The following AGTRAP variants were observed in gnomAD, a reference collection of about 807,000 sequenced individuals.
The protein encoded by AGTRAP is type-1 angiotensin II receptor-associated protein.
In AGTRAP, 7 loss-of-function variants were observed where a neutral mutation model predicts 15.2. The ratio of observed to expected loss-of-function variants is 0.46; its 90% CI spans 0.26 to 0.87. AGTRAP has a LOEUF of 0.87. Among genes scored for constraint, AGTRAP ranks in the 40% least tolerant of loss-of-function variants. The pLI is 0.15. For missense variants in AGTRAP, 187 were observed against 213.4 expected, an observed-to-expected ratio of 0.88 and a Z score of 0.77; for synonymous variants, 74 against 89.6, an observed-to-expected ratio of 0.83 and a Z score of 0.98.
At chr1:11,743,781 A>G (rs1173183909) in intron 1 of AGTRAP, among the ~76,000 whole-genome samples, 6 of 149,580 alleles carry the variant, frequency 4.0e-5, no homozygotes, top group African/African-American at 1.2e-4. Context: ...GGTCAGGCTG[A>G]TCTCGAACTC....
chr1:11,747,447 A>C lies in AGTRAP; in HGVS notation c.70A>C (p.Ile24Leu). The C allele has an allele frequency of 6.2e-7, 1 of 1,614,086 alleles. No individual in the cohort carries two copies. The highest frequency in any genetic ancestry group is 1.1e-5 in the South Asian group (1 of 91,090). ...GHWLLTTWGC[I>L]VFSGSYAWAN... ...AGCTACCTCTTCCTACAGGGGCTGC[A>C]TTGTATTCTCAGGCTCCTATGCCTG... is the stretch of plus-strand genomic sequence containing the variant. The change falls in exon 3 of 5, where the codon ATT becomes CTT. Residue 24 changes from isoleucine (I) to leucine (L), a missense_variant. Ile to Leu is a conservative substitution (Grantham distance 5, BLOSUM62 2). Transcript: ENST00000314340.
rs11578987 is a variant in AGTRAP at position 11,747,558 on chromosome 1, G to A, written c.168+13G>A. The A allele has an allele frequency of 1.4e-5, 22 of 1,612,902 alleles. No individual in the cohort carries two copies. The highest frequency in any genetic ancestry group is 2.2e-5 in the East Asian group (1 of 44,878). On this transcript the variant is annotated intron_variant, in intron 3 of 4. Coordinates refer to ENST00000314340, the MANE Select transcript of AGTRAP (RefSeq NM_020350.5). ...CGCCATAAGCATGGTGAGCCAGGGT[G>A]GGGGAGAGGCGGCAAGGCGGGGAGC...
In AGTRAP at chr1:11,750,210, C is replaced by T; in HGVS notation, c.*18C>T. The T allele has an allele frequency of 1.9e-6, 3 of 1,599,894 alleles. No individual in the cohort carries two copies. Among genetic ancestry groups the T allele is most frequent in the Non-Finnish European group, 2.6e-6 (3 of 1,169,934 alleles). ...GGTACTGAAGCCAGCCACGCTGCGCCCGGCCCTGCCCCGGGCCTTCCTCGT... is the reference window on the plus strand; with the variant it reads ...GGTACTGAAGCCAGCCACGCTGCGCTCGGCCCTGCCCCGGGCCTTCCTCGT... On this transcript the variant is annotated 3_prime_UTR_variant, in exon 5 of 5. Transcript: ENST00000314340.
chr1:11,738,925 G>A (rs1347384620), intron 1 of AGTRAP, among the ~76,000 whole-genome samples: 1 of 152,168 alleles, frequency 6.6e-6, no homozygotes, highest in Admixed American at 6.5e-5. Context: ...CCCGCCATGG[G>A]TCCTCTAGTG....
intron 2 of AGTRAP, chr1:11,746,740 G>C (rs1486475662): frequency 6.3e-6 from 1 of 158,946 alleles, no homozygotes; most frequent in African/African-American, 2.4e-5. Context: ...TAACATAAAT[G>C]TACATGAATG....
In AGTRAP at chr1:11,745,213, C is replaced by T. The variant is rs1000175147; in HGVS notation, c.28-590C>T. Among the ~76,000 whole-genome samples, 2 of 152,196 alleles carry T rather than the reference C, an allele frequency of 1.3e-5. No homozygotes were observed. The highest frequency in any genetic ancestry group is 2.9e-5 in the Non-Finnish European group (2 of 68,038). ...TATGCTAACCAAGGGGTGGATTATTCATGCCTCCCCTTTTTAGACAATATA... is the reference window on the plus strand; with the variant it reads ...TATGCTAACCAAGGGGTGGATTATTTATGCCTCCCCTTTTTAGACAATATA... On this transcript the variant is annotated intron_variant, in intron 1 of 4. Transcript: ENST00000314340. The surrounding 1 kb of genome is among the most constrained non-coding windows in gnomAD (Gnocchi z 4.2).
chr1:11,748,706 G>T lies in AGTRAP; in HGVS notation c.364+96G>T. The T allele has an allele frequency of 2.1e-6, 3 of 1,416,240 alleles. No individual in the cohort carries two copies. The East Asian group carries it at 7.3e-5, about 35-fold the overall frequency. 87.7% of individuals were successfully genotyped at this position (1,416,240 alleles called of 1,614,324 possible). ...TCAGTGAGCCAGCCTTGCCCCATGGGGCCAGGGCTCAAGGTGCAGGGAGAG... is the reference window on the plus strand; with the variant it reads ...TCAGTGAGCCAGCCTTGCCCCATGGTGCCAGGGCTCAAGGTGCAGGGAGAG... On this transcript the variant is annotated intron_variant, in intron 4 of 4. Coordinates refer to ENST00000314340, the MANE Select transcript of AGTRAP (RefSeq NM_020350.5).
At position 11,738,992 on chromosome 1, in the gene AGTRAP, T is replaced by G. The variant is rs548108510; in HGVS notation, c.27+2757T>G. On this transcript the variant is annotated intron_variant, in intron 1 of 4. Transcript: ENST00000314340. ...GCCCTGCTGGTTTCTCTTCAGCCTTTCCTTCTCCAGGTTAGACTTCCTCAT... is the reference window on the plus strand; with the variant it reads ...GCCCTGCTGGTTTCTCTTCAGCCTTGCCTTCTCCAGGTTAGACTTCCTCAT... Among the ~76,000 whole-genome samples, 6 of 152,312 alleles carry G rather than the reference T, an allele frequency of 3.9e-5. No homozygotes were observed. The South Asian group carries it at 8.3e-4, about 21-fold the overall frequency.
chr1:11,736,162 A>G lies in AGTRAP; in HGVS notation c.-47A>G, dbSNP rs769744268. 27 of 1,581,164 alleles carry G rather than the reference A, an allele frequency of 1.7e-5. No individual in the cohort carries two copies. The highest frequency in any genetic ancestry group is 2.2e-5 in the Non-Finnish European group (26 of 1,164,534). On this transcript the variant is annotated 5_prime_UTR_variant, in exon 1 of 5. Coordinates refer to ENST00000314340, the MANE Select transcript of AGTRAP (RefSeq NM_020350.5). ...AGTTTGTTCCCCGAGTTCGGAGCCTAGGAGCCCCCCGCGGCTGCGGCGCAG... is the reference window on the plus strand; with the variant it reads ...AGTTTGTTCCCCGAGTTCGGAGCCTGGGAGCCCCCCGCGGCTGCGGCGCAG...
intron 1 of AGTRAP, among the ~76,000 whole-genome samples, chr1:11,739,476 C>T (rs1280618311): frequency 4.6e-5 from 7 of 152,212 alleles, no homozygotes; most frequent in Middle Eastern, 3.4e-3. Flanking sequence ...CACTTGAACA[C>T]GGGAGGCAGA....
chr1:11,746,260 C>T, intron 2 of AGTRAP: 3 of 1,524,198 alleles, frequency 2.0e-6, no homozygotes, highest in South Asian at 1.2e-5. Flanking sequence ...TGATTCACGA[C>T]CTTGAGAAGC....
chr1:11,738,432 C>T (rs1641950018), intron 1 of AGTRAP, among the ~76,000 whole-genome samples: 1 of 152,158 alleles, frequency 6.6e-6, no homozygotes, highest in Non-Finnish European at 1.5e-5. Context: ...GACTAGGGTA[C>T]AGAGGTCTTG....
intron 1 of AGTRAP, chr1:11,744,658 T>C (rs374756836): frequency 2.9e-6 from 2 of 678,588 alleles, no homozygotes; most frequent in African/African-American, 1.8e-5. Context: ...CCCACCCTTG[T>C]GTTACAGGAA....
chr1:11,745,733 A>C lies in AGTRAP; in HGVS notation c.28-70A>C, dbSNP rs1570344380. 1.2e-5 allele frequency: 19 copies of C among 1,561,194 alleles called. No individual in the cohort carries two copies. The highest frequency in any genetic ancestry group is 4.5e-5 in the East Asian group (2 of 44,592). The stretch of plus-strand genomic sequence containing the variant: ...CGCAGGGGCGTCCTGTGTTTTCTGC[A>C]CCCGACGCTTTCCTGCCCCTGTGGT... On this transcript the variant is annotated intron_variant, in intron 1 of 4. Transcript: ENST00000314340. The surrounding 1 kb of genome is among the most constrained non-coding windows in gnomAD (Gnocchi z 4.2).
At chr1:11,739,640 A>G (rs1641978642) in intron 1 of AGTRAP, among the ~76,000 whole-genome samples, 2 of 152,174 alleles carry the variant, frequency 1.3e-5, no homozygotes, top group Non-Finnish European at 2.9e-5. Context: ...GAATTGGGCC[A>G]ATTTACTTAA....
In AGTRAP at chr1:11,745,984, A is replaced by T. The variant is rs769147514; in HGVS notation, c.62+147A>T. ...CCGGGTCTTGATTTCCGTCTGTACA[A>T]TAGGCATAAGGATTGCACACCCTGC... is the stretch of plus-strand genomic sequence containing the variant. On this transcript the variant is annotated intron_variant, in intron 2 of 4. Coordinates refer to ENST00000314340, the MANE Select transcript of AGTRAP (RefSeq NM_020350.5). The surrounding 1 kb of genome is among the most constrained non-coding windows in gnomAD (Gnocchi z 4.2). The T allele has an allele frequency of 7.4e-7, 1 of 1,351,650 alleles. No individual in the cohort carries two copies. The highest frequency in any genetic ancestry group is 1.1e-6 in the Non-Finnish European group (1 of 943,234). The allele number at this position is 1,351,650 out of a possible 1,614,324, so 83.7% of individuals were successfully genotyped here.
chr1:11,749,916 C>T (rs112411700), intron 4 of AGTRAP, among the ~76,000 whole-genome samples, 161 bp from the exon 5 acceptor site: 4 of 152,036 alleles, frequency 2.6e-5, no homozygotes, highest in African/African-American at 7.2e-5. Context: ...GAATAATACA[C>T]GCTAAAGGTT....
At chr1:11,743,403 G>A (rs1642079630) in intron 1 of AGTRAP, among the ~76,000 whole-genome samples, 1 of 151,234 alleles carries the variant, frequency 6.6e-6, no homozygotes, top group Non-Finnish European at 1.5e-5. Context: ...CCACCACCAT[G>A]CCCAGCTAAT....
chr1:11,739,136 T>G (rs1375478346), intron 1 of AGTRAP, among the ~76,000 whole-genome samples: 1 of 152,188 alleles, frequency 6.6e-6, no homozygotes, highest in Non-Finnish European at 1.5e-5. Context: ...TGTGTGACCT[T>G]GAGTAGGTTT....
Sources: gnomAD v4.1 joint callset for allele counts (sites outside exome capture counted in the v4.1 genomes callset) on GRCh38, gnomAD v4.1.1 for gene constraint, Gnocchi (gnomAD v3.1) non-coding constraint, MANE v1.5 for transcripts, NCBI Gene and HGNC (gene_info 2026-07-23, HGNC 2026-07-21) for gene names.